Variants in NEK11 observed in about 807,000 individuals in gnomAD.
The protein encoded by NEK11 is NIMA related kinase 11, also known as serine/threonine-protein kinase Nek11.
A neutral mutation model predicts 80.7 loss-of-function variants in NEK11; 72 were observed. The ratio of observed to expected loss-of-function variants is 0.89; its 90% confidence interval spans 0.74 to 1.08. The LOEUF is 1.08. NEK11 is among the 50% of genes least tolerant of loss of function. The pLI, the probability that NEK11 is intolerant of heterozygous loss-of-function variation, is 0.00. For missense variants in NEK11, 764 were observed against 763.6 expected (o/e 1.00, Z -0.01); for synonymous variants, 251 against 260.7 (o/e 0.96, Z 0.36).
chr3:131,048,192 G>A (rs1200155326), intron 3 of NEK11, among the ~76,000 whole-genome samples: 1 of 152,134 alleles, frequency 6.6e-6, no homozygotes, highest in Non-Finnish European at 1.5e-5. Flanking sequence ...CTTTCCCCAG[G>A]CCACCAGCCT....
chr3:131,337,542 C>G (rs577224482), intron 17 of NEK11, among the ~76,000 whole-genome samples: 3 of 151,524 alleles, frequency 2.0e-5, no homozygotes, highest in African/African-American at 7.3e-5. Flanking sequence ...GTGCAGCACA[C>G]CAGCATGGCA....
At position 131,208,389 on chromosome 3, in the gene NEK11, T is replaced by A. The variant is rs2094507305; in HGVS notation, c.1400-20139T>A. On this transcript the variant is annotated intron_variant, in intron 14 of 17. Transcript: ENST00000383366. ...TAGCCTTGTATTATAGTTTGAAATCTGGTAGCATGATGCCTCCAGCTTTGT... is the reference window on the plus strand; with the variant it reads ...TAGCCTTGTATTATAGTTTGAAATCAGGTAGCATGATGCCTCCAGCTTTGT... Among the ~76,000 whole-genome samples, 3 of 152,160 alleles carry A rather than the reference T, an allele frequency of 2.0e-5. No homozygotes were observed. In the South Asian group the frequency reaches 6.2e-4, roughly 32 times the overall value.
intron 14 of NEK11, among the ~76,000 whole-genome samples, chr3:131,209,023 A>G (rs1047790339): frequency 3.4e-4 from 51 of 152,236 alleles, no homozygotes; most frequent in East Asian, 1.9e-3. Context: ...TGGTGAGAGA[A>G]GGCATCCCTG....
intron 5 of NEK11, among the ~76,000 whole-genome samples, chr3:131,121,241 C>T (rs539365322): frequency 1.3e-5 from 2 of 152,344 alleles, no homozygotes; most frequent in African/African-American, 4.8e-5. Context: ...CTGGAGTTTG[C>T]TGGAGGTCCA....
At chr3:131,262,737 A>G (rs2095952619) in intron 16 of NEK11, among the ~76,000 whole-genome samples, 2 of 152,154 alleles carry the variant, frequency 1.3e-5, no homozygotes, top group African/African-American at 4.8e-5. Flanking sequence ...ATAGGTATAC[A>G]CATGCCATGG....
intron 17 of NEK11, among the ~76,000 whole-genome samples, chr3:131,316,217 G>A (rs931928670): frequency 6.6e-6 from 1 of 152,104 alleles, no homozygotes; most frequent in African/African-American, 2.4e-5. Context: ...CATGAATCAA[G>A]CATAAAACAA....
chr3:131,226,642 A>G (rs980911959), intron 14 of NEK11, among the ~76,000 whole-genome samples: 3 of 152,096 alleles, frequency 2.0e-5, no homozygotes, highest in Non-Finnish European at 4.4e-5. Context: ...ACACAGAGGC[A>G]TGCAGAGTGG....
chr3:131,309,945 T>C (rs926661563), intron 17 of NEK11, among the ~76,000 whole-genome samples: 6 of 117,960 alleles, frequency 5.1e-5, no homozygotes, highest in Non-Finnish European at 9.6e-5. Context: ...GCTATGATCA[T>C]GCCACTGCAC....
At chr3:131,117,794 G>A (rs1299121604) in intron 5 of NEK11, among the ~76,000 whole-genome samples, 3 of 152,148 alleles carry the variant, frequency 2.0e-5, no homozygotes, top group African/African-American at 7.2e-5. Flanking sequence ...TGGTGTACAG[G>A]AATGCTTGTG....
intron 3 of NEK11, among the ~76,000 whole-genome samples, chr3:131,032,515 T>A (rs888975399): frequency 6.6e-6 from 1 of 152,228 alleles, no homozygotes; most frequent in Non-Finnish European, 1.5e-5. Flanking sequence ...AGACAATTGC[T>A]TTTGGAATTA....
intron 14 of NEK11, among the ~76,000 whole-genome samples, chr3:131,196,951 T>C (rs1486508363): frequency 6.6e-6 from 1 of 152,014 alleles, no homozygotes; most frequent in Non-Finnish European, 1.5e-5. Flanking sequence ...CATTGCTGGC[T>C]CCAATGCCTG....
At position 131,273,593 on chromosome 3, in the gene NEK11, GC is replaced by G. The variant is rs761526445; in HGVS notation, c.1718+24del. ...TGAGGGAGTAAGTAGCATGTTGCCT[GC>G]CCCCTAGGAAGGTGCAGTGTTAAAG... On this transcript the variant is annotated intron_variant, in intron 17 of 17. Transcript: ENST00000383366. 18 of 1,577,504 alleles carry G rather than the reference GC, an allele frequency of 1.1e-5. No individual in the cohort carries two copies. Among genetic ancestry groups the G allele is most frequent in the Non-Finnish European group, 1.6e-5 (18 of 1,147,432 alleles).
intron 4 of NEK11, among the ~76,000 whole-genome samples, chr3:131,108,601 C>T (rs535604932): frequency 6.6e-6 from 1 of 152,052 alleles, no homozygotes; most frequent in South Asian, 2.1e-4. Flanking sequence ...TACATCAGTA[C>T]AACCATATTC....
chr3:131,304,803 A>G (rs1468546882), intron 17 of NEK11, among the ~76,000 whole-genome samples: 4 of 152,146 alleles, frequency 2.6e-5, no homozygotes, highest in African/African-American at 9.7e-5. Flanking sequence ...GGTGCTGGCC[A>G]AAGAGTTCTG....
intron 14 of NEK11, among the ~76,000 whole-genome samples, chr3:131,197,755 A>G (rs764739937): frequency 3.3e-5 from 5 of 151,894 alleles, no homozygotes; most frequent in Non-Finnish European, 7.4e-5. Flanking sequence ...TCCCTATTCT[A>G]TTTTTCCTGC....
At chr3:131,032,545 A>T (rs1268975256) in intron 3 of NEK11, among the ~76,000 whole-genome samples, 1 of 152,224 alleles carries the variant, frequency 6.6e-6, no homozygotes, top group African/African-American at 2.4e-5. Flanking sequence ...ATCAGAAAAA[A>T]GTATGAATGT....
rs1056826329 is a variant in NEK11 at position 131,337,330 on chromosome 3, T to C, written c.1719-12227T>C. On this transcript the variant is annotated intron_variant, in intron 17 of 17. Transcript: ENST00000383366. ...GTCCTTTGTAGGGACATGGATGAAA[T>C]TGGAAATCATCATTCTCAGTAAACT... is the stretch of plus-strand genomic sequence containing the variant. Among the ~76,000 whole-genome samples, 127 of 151,972 alleles carry C rather than the reference T, an allele frequency of 8.4e-4. 1 individual carries two copies. Among genetic ancestry groups the C allele is most frequent in the Admixed American group, 2.7e-3 (42 of 15,278 alleles).
intron 15 of NEK11, 26 bp downstream of exon 15, chr3:131,228,714 C>T: frequency 6.2e-7 from 1 of 1,603,086 alleles, no homozygotes; most frequent in Non-Finnish European, 8.5e-7. Flanking sequence ...TGTCGGAAGC[C>T]ATGGAACTGT....
intron 4 of NEK11, among the ~76,000 whole-genome samples, chr3:131,089,581 G>A (rs2076446758): frequency 6.6e-6 from 1 of 152,186 alleles, no homozygotes; most frequent in African/African-American, 2.4e-5. Flanking sequence ...TGGGATTACA[G>A]GCATGTGCCA....
Sources: allele counts gnomAD v4.1 joint callset (sites outside exome capture counted in the v4.1 genomes callset), GRCh38; gene constraint gnomAD v4.1.1; transcripts MANE v1.5; gene names NCBI Gene and HGNC (gene_info 2026-07-23, HGNC 2026-07-21).